Variants in REDIC1 observed in about 807,000 individuals in gnomAD.
REDIC1 encodes HEI10 Interacting Protein 1.
At chr12:39,724,366 G>C in the REDIC1 span, among the ~76,000 whole-genome samples, 2 of 152,114 alleles carry the variant, frequency 1.3e-5, no homozygotes, top group African/African-American at 2.4e-5. Flanking sequence ...GGAATCTGTA[G>C]AGTGATGTCT....
At chr12:39,651,781 A>G in the REDIC1 span, among the ~76,000 whole-genome samples, 1 of 152,206 alleles carries the variant, frequency 6.6e-6, no homozygotes, top group East Asian at 1.9e-4. Flanking sequence ...AACTATGATA[A>G]TGAATTTATG....
At chr12:39,803,298 T>C in the REDIC1 span, among the ~76,000 whole-genome samples, 2 of 151,476 alleles carry the variant, frequency 1.3e-5, no homozygotes, top group South Asian at 4.2e-4. Flanking sequence ...AATAGACTTA[T>C]ATGACAATTA....
chr12:39,646,559 C>A, the REDIC1 span: 1 of 1,218,844 alleles, frequency 8.2e-7, no homozygotes, highest in Non-Finnish European at 1.1e-6. Flanking sequence ...ACCTTCTACC[C>A]CCAGTTTTTG....
the REDIC1 span, among the ~76,000 whole-genome samples, chr12:39,743,315 G>A: frequency 1.3e-5 from 2 of 151,904 alleles, no homozygotes; most frequent in Non-Finnish European, 1.5e-5. Context: ...CACAGGCCAG[G>A]GGCACCAGCT....
chr12:39,820,621 C>T, the REDIC1 span, among the ~76,000 whole-genome samples: 2 of 151,376 alleles, frequency 1.3e-5, no homozygotes, highest in African/African-American at 4.8e-5. Flanking sequence ...TTTATGCTGT[C>T]CAGCAAAAAA....
the REDIC1 span, among the ~76,000 whole-genome samples, chr12:39,789,340 ATAT>A: frequency 6.6e-6 from 1 of 152,046 alleles, no homozygotes; most frequent in African/African-American, 2.4e-5. Context: ...TAATTTCTTA[ATAT>A]TATGCTTTTG....
the REDIC1 span, chr12:39,720,764 C>A: frequency 7.1e-6 from 11 of 1,552,140 alleles, no homozygotes. Flanking sequence ...TGGTTTAGAG[C>A]AAAATTATTA....
At chr12:39,672,509 C>T in the REDIC1 span, among the ~76,000 whole-genome samples, 2 of 152,084 alleles carry the variant, frequency 1.3e-5, no homozygotes, top group African/African-American at 4.8e-5. Flanking sequence ...TGGCAGTTGA[C>T]GGGGAGAACC....
At chr12:39,764,918 C>A in the REDIC1 span, 1 of 1,553,480 alleles carries the variant, frequency 6.4e-7, no homozygotes, top group Non-Finnish European at 8.8e-7. Flanking sequence ...TGCAGAAATT[C>A]AATATGATCA....
At chr12:39,747,596 G>A in the REDIC1 span, among the ~76,000 whole-genome samples, 83 of 152,190 alleles carry the variant, frequency 5.5e-4, no homozygotes, top group African/African-American at 1.9e-3. Flanking sequence ...ATAACTCCTC[G>A]AGAAGAGCAA....
At chr12:39,836,302 T>C in the REDIC1 span, among the ~76,000 whole-genome samples, 1 of 152,028 alleles carries the variant, frequency 6.6e-6, no homozygotes, top group Non-Finnish European at 1.5e-5. Context: ...GAAACTCAAA[T>C]AGAGGAAATT....
chr12:39,852,757 C>T, the REDIC1 span, among the ~76,000 whole-genome samples: 1 of 152,148 alleles, frequency 6.6e-6, no homozygotes, highest in African/African-American at 2.4e-5. Context: ...ATGGAAAGTA[C>T]CTCTGATTGG....
At chr12:39,703,016 C>A in the REDIC1 span, among the ~76,000 whole-genome samples, 2 of 152,052 alleles carry the variant, frequency 1.3e-5, no homozygotes, top group African/African-American at 4.8e-5. Context: ...CCCTTTGAAA[C>A]CTGGCACAAG....
chr12:39,872,647 T>C, the REDIC1 span, among the ~76,000 whole-genome samples: 8 of 152,234 alleles, frequency 5.3e-5, no homozygotes, highest in Admixed American at 4.6e-4. Flanking sequence ...TGCCAGTTTG[T>C]TGATGCACAA....
chr12:39,817,037 G>GA, the REDIC1 span, among the ~76,000 whole-genome samples: 28 of 148,914 alleles, frequency 1.9e-4, no homozygotes, highest in Admixed American at 4.7e-4. Context: ...TGCCTTGAGG[G>GA]AAAAAAAAAA....
chr12:39,662,302 A>G, the REDIC1 span, among the ~76,000 whole-genome samples: 1 of 144,684 alleles, frequency 6.9e-6, no homozygotes, highest in Admixed American at 6.7e-5. Flanking sequence ...ATCTTCATCA[A>G]TTTATTTTAT....
At chr12:39,841,999 A>G in the REDIC1 span, among the ~76,000 whole-genome samples, 4 of 152,086 alleles carry the variant, frequency 2.6e-5, no homozygotes, top group African/African-American at 7.2e-5. Context: ...TAATTCTTAC[A>G]TTGGCATCAT....
chr12:39,664,748 G>A, the REDIC1 span, among the ~76,000 whole-genome samples: 68 of 151,984 alleles, frequency 4.5e-4, no homozygotes, highest in East Asian at 3.9e-4. Context: ...TTGTTTCCTG[G>A]CTTTTTAATA....
chr12:39,812,063 G>A, the REDIC1 span, among the ~76,000 whole-genome samples: 1 of 152,130 alleles, frequency 6.6e-6, no homozygotes, highest in African/African-American at 2.4e-5. Flanking sequence ...ACCACAGACT[G>A]GATGGCTCTT....
Sources: allele counts gnomAD v4.1 joint callset (sites outside exome capture counted in the v4.1 genomes callset), GRCh38; gene constraint gnomAD v4.1.1; transcripts MANE v1.5; gene names NCBI Gene and HGNC (gene_info 2026-07-23, HGNC 2026-07-21).